Variants in WNK2 observed in about 807,000 individuals in gnomAD.
The protein encoded by WNK2 is serine/threonine-protein kinase WNK2.
In WNK2, 67 loss-of-function variants were observed where a neutral mutation model predicts 192.1. That is an observed-to-expected ratio of 0.35 (90% confidence interval 0.29 to 0.43). The LOEUF (loss-of-function observed/expected upper bound fraction) is 0.43, where lower values mean the gene tolerates loss of function less well. WNK2 is among the 20% of genes least tolerant of loss of function. The pLI is 1.00. For synonymous variants in WNK2, 1,439 were observed against 1,393.9 expected, an observed-to-expected ratio of 1.03 and a Z score of -0.72; for missense variants, 2,698 against 3,089.7, an observed-to-expected ratio of 0.87 and a Z score of 3.01.
At chr9:93,285,830 G>A (rs984922465) in intron 19 of WNK2, among the ~76,000 whole-genome samples, 1 of 152,174 alleles carries the variant, frequency 6.6e-6, no homozygotes, top group African/African-American at 2.4e-5. Context: ...CCTAGAACAA[G>A]GGTAGAGAAA....
intron 2 of WNK2, among the ~76,000 whole-genome samples, chr9:93,225,097 G>A (rs1473862525): frequency 6.6e-6 from 1 of 152,096 alleles, no homozygotes; most frequent in Non-Finnish European, 1.5e-5. Flanking sequence ...CACACTAACC[G>A]ACTGTTAAAG....
At chr9:93,301,223 A>G (rs1851560313) in intron 26 of WNK2, among the ~76,000 whole-genome samples, 3 of 152,344 alleles carry the variant, frequency 2.0e-5, no homozygotes, top group South Asian at 2.1e-4. Context: ...TCTTTTTAAC[A>G]GGAAAATTAA....
intron 4 of WNK2, among the ~76,000 whole-genome samples, chr9:93,232,773 A>G (rs1054619227): frequency 4.6e-5 from 7 of 152,154 alleles, no homozygotes; most frequent in Admixed American, 1.3e-4. Flanking sequence ...ATGGTTGCCC[A>G]GCTCTGTGGG....
intron 7 of WNK2, among the ~76,000 whole-genome samples, chr9:93,244,935 G>C (rs1376892715): frequency 6.6e-6 from 1 of 152,106 alleles, no homozygotes; most frequent in Non-Finnish European, 1.5e-5. Flanking sequence ...GTGGCCTTGG[G>C]GCTGGTTTGG....
chr9:93,223,494 G>C (rs1837286189), intron 2 of WNK2, among the ~76,000 whole-genome samples: 1 of 152,218 alleles, frequency 6.6e-6, no homozygotes. Context: ...ATATTTATTG[G>C]TTTTCTCATC....
At position 93,288,807 on chromosome 9, in the gene WNK2, C is replaced by T. The variant is rs1216791563; in HGVS notation, c.4053C>T (p.Asp1351=). 1.2e-6 allele frequency: 2 copies of T among 1,611,710 alleles called. No homozygotes were observed. The highest frequency in any genetic ancestry group is 3.3e-5 in the Admixed American group (2 of 59,890). Residue 1351 remains aspartate, a synonymous_variant, in exon 20 of 30, where the codon GAC becomes GAT. Coordinates refer to ENST00000427277, the MANE Select transcript of WNK2 (RefSeq NM_006648.4). ...EASQDSAPYK[D]QLSSKEQPSF... ...TTCTAGATTCAGCGCCCTATAAAGACCAGCTGTCCTCGAAGGAACAACCCA... is the reference window on the plus strand; with the variant it reads ...TTCTAGATTCAGCGCCCTATAAAGATCAGCTGTCCTCGAAGGAACAACCCA...
intron 23 of WNK2, among the ~76,000 whole-genome samples, 175 bp from the exon 24 acceptor site, chr9:93,297,678 A>G (rs1420619355): frequency 6.6e-6 from 1 of 152,264 alleles, no homozygotes; most frequent in Non-Finnish European, 1.5e-5. Flanking sequence ...GATATGAACA[A>G]ACAGTGTCAT....
chr9:93,217,708 T>A (rs1181922725), intron 2 of WNK2, among the ~76,000 whole-genome samples: 1 of 152,224 alleles, frequency 6.6e-6, no homozygotes, highest in Non-Finnish European at 1.5e-5. Context: ...CCAAGCAGCC[T>A]GGTGCCATTC....
intron 2 of WNK2, among the ~76,000 whole-genome samples, chr9:93,228,815 C>T (rs1371886899): frequency 6.6e-6 from 1 of 152,080 alleles, no homozygotes. Flanking sequence ...GGCCAGGATC[C>T]AGGGGGACTA....
intron 16 of WNK2, among the ~76,000 whole-genome samples, chr9:93,264,977 G>A (rs189369688): frequency 3.2e-3 from 488 of 152,332 alleles, no homozygotes; most frequent in Non-Finnish European, 4.7e-3. Context: ...CCCTGGCTTC[G>A]TGAAAGCCTC....
At chr9:93,270,922 C>T (rs1845914715) in intron 19 of WNK2, among the ~76,000 whole-genome samples, 1 of 152,182 alleles carries the variant, frequency 6.6e-6, no homozygotes, top group African/African-American at 2.4e-5. Context: ...ATTCATGGCA[C>T]AGCCGCAGAA....
chr9:93,262,034 C>T lies in WNK2; in HGVS notation c.3287C>T (p.Pro1096Leu). 12 of 1,610,934 alleles carry T rather than the reference C, an allele frequency of 7.4e-6. No homozygotes were observed. Among genetic ancestry groups the T allele is most frequent in the South Asian group, 2.2e-5 (2 of 90,980 alleles). ...QTATLLPPAN[P>L]PLPGGPGIAS... ...GCCACACTTCTGCCACCAGCAAACC[C>T]ACCGCTGCCTGGCGGGCCCGGGATC... The change falls in exon 13 of 30, where the codon CCA becomes CTA. Residue 1096 changes from proline (P) to leucine (L), a missense_variant. Physicochemically the swap from Pro to Leu is moderately conservative, Grantham distance 98 (BLOSUM62 -3). Coordinates refer to ENST00000427277, the MANE Select transcript of WNK2 (RefSeq NM_006648.4).
intron 26 of WNK2, among the ~76,000 whole-genome samples, chr9:93,304,396 A>G (rs1425166603): frequency 6.6e-6 from 1 of 152,256 alleles, no homozygotes; most frequent in Non-Finnish European, 1.5e-5. Context: ...CATTCTGGGA[A>G]GAAAGCAGCG....
intron 2 of WNK2, among the ~76,000 whole-genome samples, chr9:93,207,781 G>T (rs1052942536): frequency 1.3e-5 from 2 of 152,234 alleles, no homozygotes; most frequent in African/African-American, 2.4e-5. Flanking sequence ...CCCTCTCCAG[G>T]CGCTGTTTTT....
chr9:93,223,434 CG>C (rs1837272707), intron 2 of WNK2, among the ~76,000 whole-genome samples: 1 of 152,230 alleles, frequency 6.6e-6, no homozygotes, highest in Non-Finnish European at 1.5e-5. Context: ...AGCTTTTCTT[CG>C]GGGGCAGGGG....
chr9:93,295,901 C>T (rs1435672106), intron 23 of WNK2, among the ~76,000 whole-genome samples: 2 of 142,760 alleles, frequency 1.4e-5, no homozygotes, highest in African/African-American at 5.2e-5. Context: ...TCACTTTCCT[C>T]CTCTCTCCAA....
intron 8 of WNK2, among the ~76,000 whole-genome samples, chr9:93,251,147 G>A (rs935026081): frequency 2.0e-5 from 3 of 151,428 alleles, no homozygotes; most frequent in Non-Finnish European, 4.4e-5. Flanking sequence ...ACAGGGTCTC[G>A]CTCTGTCACC....
At chr9:93,280,726 A>C (rs1847600887) in intron 19 of WNK2, among the ~76,000 whole-genome samples, 1 of 152,186 alleles carries the variant, frequency 6.6e-6, no homozygotes, top group South Asian at 2.1e-4. Flanking sequence ...TTTCTTCAGC[A>C]CTGTGAGGAC....
At chr9:93,218,661 C>T (rs1372653748) in intron 2 of WNK2, among the ~76,000 whole-genome samples, 2 of 152,208 alleles carry the variant, frequency 1.3e-5, no homozygotes, top group Admixed American at 1.3e-4. Flanking sequence ...CAGGAAGTAA[C>T]ATCAGTGTTC....
Sources: gnomAD v4.1 joint callset for allele counts (sites outside exome capture counted in the v4.1 genomes callset) on GRCh38, gnomAD v4.1.1 for gene constraint, MANE v1.5 for transcripts, NCBI Gene and HGNC (gene_info 2026-07-23, HGNC 2026-07-21) for gene names.